The following KYNU variants were observed in gnomAD, a reference collection of about 807,000 sequenced individuals.
KYNU encodes the protein L-kynurenine hydrolase.
A neutral mutation model predicts 59.2 loss-of-function variants in KYNU; 54 were observed. The observed-to-expected ratio is 0.91, with a 90% CI of 0.73 to 1.14. KYNU has a LOEUF of 1.14. Ranked by LOEUF, KYNU falls within the 50% of genes most tolerant of loss-of-function variation. KYNU has a pLI of 0.00. For synonymous variants in KYNU, 177 were observed against 192.0 expected (o/e 0.92, Z 0.65); for missense variants, 567 against 554.4 (o/e 1.02, Z -0.23).
intron 2 of KYNU, among the ~76,000 whole-genome samples, chr2:142,915,617 G>A (rs1212263644): frequency 6.6e-6 from 1 of 152,180 alleles, no homozygotes; most frequent in African/African-American, 2.4e-5. Context: ...AAGCAATAAA[G>A]TGAGTTTTCA....
At chr2:143,018,873 T>C (rs1448092113) in intron 10 of KYNU, among the ~76,000 whole-genome samples, 1 of 152,122 alleles carries the variant, frequency 6.6e-6, no homozygotes, top group African/African-American at 2.4e-5. Flanking sequence ...CTAGGTATTT[T>C]ATTTATTTAT....
rs535280440 is a variant in KYNU, at chr2:142,885,534, C to T, written c.167C>T (p.Pro56Leu). The T allele has an allele frequency of 1.9e-6, 3 of 1,612,600 alleles. No individual in the cohort carries two copies. The highest frequency in any genetic ancestry group is 2.2e-5 in the South Asian group (2 of 90,896). ...ATTCCCAAAATACAGGATCTGCCTC[C>T]AGGTAAGAATGCTGGGAAGGTTTTT... ...FYIPKIQDLP[P>L]VDLSLVNKDE... Residue 56 changes from proline (P) to leucine (L), a missense_variant and splice_region_variant, in exon 2 of 14, where the codon CCA (proline) becomes CTA (leucine). Physicochemically the swap from Pro to Leu is moderately conservative, Grantham distance 98 (BLOSUM62 -3). Coordinates refer to ENST00000264170, the MANE Select transcript of KYNU (RefSeq NM_003937.3).
intron 12 of KYNU, among the ~76,000 whole-genome samples, chr2:143,034,437 G>T (rs1028247771): frequency 6.6e-6 from 1 of 152,138 alleles, no homozygotes; most frequent in African/African-American, 2.4e-5. Flanking sequence ...AACACTTACA[G>T]CAGTTTCTCA....
At chr2:142,945,942 T>G (rs764770887) in intron 4 of KYNU, among the ~76,000 whole-genome samples, 3 of 152,058 alleles carry the variant, frequency 2.0e-5, no homozygotes, top group Non-Finnish European at 4.4e-5. Context: ...TTCACCATGT[T>G]GACCAGGCTG....
At position 143,052,594 on chromosome 2, in the gene KYNU, G is replaced by A. The variant is rs2104936097; in HGVS notation, c.*10422G>A. 1 of 152,420 alleles carries A rather than the reference G, an allele frequency of 6.6e-6. No homozygotes were observed. Among genetic ancestry groups the A allele is most frequent in the South Asian group, 2.1e-4 (1 of 4,826 alleles). 9.4% of individuals were successfully genotyped at this position (152,420 alleles called of 1,614,324 possible). ...TAAAAGGGGCCAAGGTACAGCTTGG[G>A]CTGTGGCTTCAGAGGGTGGAAGCCC... On this transcript the variant is annotated 3_prime_UTR_variant, in exon 14 of 14. Transcript: ENST00000264170.
intron 10 of KYNU, among the ~76,000 whole-genome samples, chr2:143,012,303 A>G (rs1308528937): frequency 6.6e-6 from 1 of 151,896 alleles, no homozygotes; most frequent in Non-Finnish European, 1.5e-5. Context: ...CCAGTATGAC[A>G]TAGCTCCATC....
chr2:142,985,913 G>A, intron 9 of KYNU, 35 bp from the exon 10 acceptor site: 2 of 1,418,884 alleles, frequency 1.4e-6, no homozygotes, highest in Non-Finnish European at 2.0e-6. Context: ...ATATATTTAA[G>A]TAAACCCACA....
chr2:142,911,516 T>A (rs1024754293), intron 2 of KYNU, among the ~76,000 whole-genome samples: 12 of 151,986 alleles, frequency 7.9e-5, no homozygotes, highest in African/African-American at 2.9e-4. Flanking sequence ...AGATAGATAA[T>A]TTTTTTTCTA....
intron 1 of KYNU, among the ~76,000 whole-genome samples, chr2:142,880,885 G>A (rs910683950): frequency 2.6e-5 from 4 of 152,188 alleles, no homozygotes; most frequent in Non-Finnish European, 4.4e-5. Context: ...TTAGAATCAA[G>A]TTTCAGGCAT....
chr2:142,996,023 C>A (rs1174235933), intron 10 of KYNU, among the ~76,000 whole-genome samples: 1 of 152,118 alleles, frequency 6.6e-6, no homozygotes, highest in Non-Finnish European at 1.5e-5. Flanking sequence ...CTAAGCCTTT[C>A]TTCTCACTAC....
intron 9 of KYNU, among the ~76,000 whole-genome samples, chr2:142,985,722 C>T (rs531935012): frequency 8.6e-5 from 13 of 151,860 alleles, no homozygotes; most frequent in South Asian, 2.1e-4. Flanking sequence ...AAAATTGCCC[C>T]GTAAAAGTAA....
intron 10 of KYNU, among the ~76,000 whole-genome samples, chr2:143,004,994 C>G (rs1165133426): frequency 6.6e-6 from 1 of 152,166 alleles, no homozygotes; most frequent in Non-Finnish European, 1.5e-5. Flanking sequence ...TGTGTTTTCT[C>G]TAAATAAAAA....
intron 2 of KYNU, among the ~76,000 whole-genome samples, chr2:142,910,569 TTA>T (rs1682449511): frequency 1.3e-5 from 2 of 152,128 alleles, no homozygotes; most frequent in African/African-American, 4.8e-5. Context: ...CAGAAGCTCT[TTA>T]GTTTAATTAG....
chr2:142,930,895 G>A (rs567003663), intron 4 of KYNU, among the ~76,000 whole-genome samples: 7 of 152,346 alleles, frequency 4.6e-5, no homozygotes, highest in African/African-American at 1.7e-4. Context: ...ACGAGGTGGT[G>A]TGGAGCAACA....
At chr2:143,026,902 A>T (rs1686590056) in intron 10 of KYNU, among the ~76,000 whole-genome samples, 1 of 152,180 alleles carries the variant, frequency 6.6e-6, no homozygotes, top group Non-Finnish European at 1.5e-5. Flanking sequence ...TGTCCCTCTG[A>T]AGTCAAGCCA....
chr2:142,952,883 C>T (rs971258515), intron 4 of KYNU, among the ~76,000 whole-genome samples: 2 of 151,658 alleles, frequency 1.3e-5, no homozygotes, highest in Non-Finnish European at 1.5e-5. Context: ...CTGTATTTTT[C>T]TTCATATTAC....
chr2:142,907,389 G>A (rs1682335659), intron 2 of KYNU, among the ~76,000 whole-genome samples: 4 of 152,192 alleles, frequency 2.6e-5, no homozygotes, highest in Admixed American at 2.6e-4. Context: ...GGTTGTGCAG[G>A]AACAAAGGTG....
intron 10 of KYNU, among the ~76,000 whole-genome samples, chr2:143,006,955 G>GA (rs1318884664): frequency 6.6e-6 from 1 of 151,794 alleles, no homozygotes; most frequent in Non-Finnish European, 1.5e-5. Context: ...CAAAGATGGG[G>GA]AAAAAACAGA....
chr2:142,906,070 CTCTCTGTCTCTCTCTCTCTCTCA>C (rs1459238944), intron 2 of KYNU, among the ~76,000 whole-genome samples: 6 of 151,022 alleles, frequency 4.0e-5, no homozygotes, highest in African/African-American at 7.3e-5. Flanking sequence ...TCTTTCTCTC[CTCTCTGTCTCTCTCTCTCTCTCA>C]TCTCTGTCTC....
Sources: gnomAD v4.1 joint callset for allele counts (sites outside exome capture counted in the v4.1 genomes callset) on GRCh38, gnomAD v4.1.1 for gene constraint, MANE v1.5 for transcripts, NCBI Gene and HGNC (gene_info 2026-07-23, HGNC 2026-07-21) for gene names.